PLPPR1: variants seen among roughly 807,000 people sequenced by gnomAD.
The protein encoded by PLPPR1 is phospholipid phosphatase related 1.
Under a neutral mutation model 33.1 loss-of-function variants are expected in PLPPR1, and 10 were observed. That is an observed-to-expected ratio of 0.30 (90% CI 0.19 to 0.51). The LOEUF (loss-of-function observed/expected upper bound fraction) is 0.51, where lower values mean the gene tolerates loss of function less well. Among genes scored for constraint, PLPPR1 ranks in the 20% least tolerant of loss-of-function variants. The probability of loss-of-function intolerance (pLI) is 0.97; values close to 1 mark genes in which losing one functional copy is unlikely to be tolerated. For synonymous variants in PLPPR1, 151 were observed against 151.0 expected, an observed-to-expected ratio of 1.00 and a Z score of 0.00; for missense variants, 304 against 408.1, an observed-to-expected ratio of 0.74 and a Z score of 2.20.
intron 1 of PLPPR1, among the ~76,000 whole-genome samples, chr9:101,161,770 T>C (rs1045706071): frequency 6.6e-6 from 1 of 152,162 alleles, no homozygotes; most frequent in South Asian, 2.1e-4. Flanking sequence ...TTTTTCAAAC[T>C]GTAAAAGTTC....
chr9:101,244,303 T>G lies in PLPPR1; in HGVS notation c.64-25577T>G, dbSNP rs556051584. ...AAAGAAAAAAAATCAAAGCATGGCT[T>G]TATTTTTTGTTTTGTTTTAAATGTT... On this transcript the variant is annotated intron_variant, in intron 2 of 7. Transcript: ENST00000374874. Among the ~76,000 whole-genome samples, 24 of 152,088 alleles carry G rather than the reference T, an allele frequency of 1.6e-4. 1 individual carries two copies. The South Asian group carries it at 4.8e-3, about 30-fold the overall frequency.
At chr9:101,170,405 C>T (rs560607448) in intron 1 of PLPPR1, among the ~76,000 whole-genome samples, 1 of 152,248 alleles carries the variant, frequency 6.6e-6, no homozygotes, top group Admixed American at 6.5e-5. Flanking sequence ...CAAGAGAGAA[C>T]TTGTTCAGGG....
At chr9:101,207,543 G>A (rs1290326398) in intron 2 of PLPPR1, among the ~76,000 whole-genome samples, 5 of 152,134 alleles carry the variant, frequency 3.3e-5, no homozygotes, top group Non-Finnish European at 7.3e-5. Flanking sequence ...GTGGGGGTGT[G>A]AGAAGTAAGT....
intron 1 of PLPPR1, among the ~76,000 whole-genome samples, chr9:101,146,444 C>T (rs966668268): frequency 5.3e-5 from 8 of 152,274 alleles, no homozygotes; most frequent in African/African-American, 1.9e-4. Flanking sequence ...CCAAAAACTA[C>T]CAGCCAGTCT....
At chr9:101,285,419 T>C (rs771500073) in intron 3 of PLPPR1, among the ~76,000 whole-genome samples, 1 of 152,106 alleles carries the variant, frequency 6.6e-6, no homozygotes, top group Non-Finnish European at 1.5e-5. Context: ...CAGTTCAGGG[T>C]AGGAGAAATA....
At chr9:101,156,552 C>CAAA (rs1162056636) in intron 1 of PLPPR1, among the ~76,000 whole-genome samples, 66 of 71,104 alleles carry the variant, frequency 9.3e-4, no homozygotes, top group African/African-American at 1.7e-3. Flanking sequence ...ACCCTGTCTC[C>CAAA]AAAAAAAAAA....
intron 1 of PLPPR1, among the ~76,000 whole-genome samples, chr9:101,118,129 G>A (rs1831137435): frequency 6.6e-6 from 1 of 152,336 alleles, no homozygotes; most frequent in East Asian, 1.9e-4. Context: ...TTTGATTTAT[G>A]ACTAACATCC....
intron 1 of PLPPR1, among the ~76,000 whole-genome samples, chr9:101,110,072 T>TG (rs200765815): frequency 0.018 from 2,676 of 152,308 alleles, 45 homozygotes; most frequent in African/African-American, 0.045. Context: ...AATTATCATC[T>TG]TCAAAAGCAA....
intron 7 of PLPPR1, among the ~76,000 whole-genome samples, chr9:101,318,675 G>A (rs750768992): frequency 6.6e-6 from 1 of 152,162 alleles, no homozygotes; most frequent in African/African-American, 2.4e-5. Flanking sequence ...TCCAGAGGCT[G>A]AGGTGGGAGG....
intron 1 of PLPPR1, among the ~76,000 whole-genome samples, chr9:101,036,701 CAAAAAAAAA>C (rs5899427): frequency 9.6e-6 from 1 of 103,742 alleles, no homozygotes; most frequent in African/African-American, 3.6e-5. Context: ...CTATTTCTGC[CAAAAAAAAA>C]AAAAAAAAAA....
chr9:101,173,526 G>C (rs1825975960), intron 1 of PLPPR1, among the ~76,000 whole-genome samples: 1 of 152,066 alleles, frequency 6.6e-6, no homozygotes, highest in Non-Finnish European at 1.5e-5. Context: ...CTCTGGGCTT[G>C]GGAAGCCCTT....
intron 2 of PLPPR1, among the ~76,000 whole-genome samples, chr9:101,257,682 G>C (rs1827826746): frequency 6.6e-6 from 1 of 152,034 alleles, no homozygotes; most frequent in African/African-American, 2.4e-5. Flanking sequence ...AGAATATTCT[G>C]GTGATAGAAA....
At position 101,157,029 on chromosome 9, in the gene PLPPR1, G is replaced by A. The variant is rs151076330; in HGVS notation, c.-45-28421G>A. Among the ~76,000 whole-genome samples, 850 of 152,178 alleles carry A rather than the reference G, an allele frequency of 5.6e-3. 2 individuals are homozygous for A. The highest frequency in any genetic ancestry group is 0.024 in the Middle Eastern group (7 of 292). On this transcript the variant is annotated intron_variant, in intron 1 of 7. Transcript: ENST00000374874. ...CAGTATTGAGGAAGGATTAATGGGT[G>A]GAATAAAGCCTGGAGATAAGGAACA...
chr9:101,288,655 C>T (rs1828438370), intron 4 of PLPPR1, among the ~76,000 whole-genome samples: 1 of 152,136 alleles, frequency 6.6e-6, no homozygotes, highest in African/African-American at 2.4e-5. Flanking sequence ...AAGTAAAAAA[C>T]CTGAGAGACA....
intron 1 of PLPPR1, among the ~76,000 whole-genome samples, chr9:101,116,821 A>G (rs1044349826): frequency 1.3e-5 from 2 of 151,952 alleles, no homozygotes; most frequent in African/African-American, 4.8e-5. Flanking sequence ...AAAAAAAAAA[A>G]AAGTAAAAAA....
intron 1 of PLPPR1, among the ~76,000 whole-genome samples, chr9:101,130,699 T>A (rs189615650): frequency 6.6e-6 from 1 of 152,328 alleles, no homozygotes; most frequent in East Asian, 1.9e-4. Flanking sequence ...AAATCACTTC[T>A]GGGCGCTTAT....
chr9:101,282,333 A>T (rs947163348), intron 3 of PLPPR1, among the ~76,000 whole-genome samples: 3 of 152,194 alleles, frequency 2.0e-5, no homozygotes, highest in Non-Finnish European at 2.9e-5. Flanking sequence ...CAATAAATGC[A>T]AAAAAATGAT....
chr9:101,043,074 C>T (rs566453248), intron 1 of PLPPR1, among the ~76,000 whole-genome samples: 3 of 152,070 alleles, frequency 2.0e-5, no homozygotes, highest in African/African-American at 7.2e-5. Context: ...CCCTTTCCCC[C>T]TGAGTCCCCA....
At chr9:101,133,002 A>G (rs993489851) in intron 1 of PLPPR1, among the ~76,000 whole-genome samples, 6 of 152,316 alleles carry the variant, frequency 3.9e-5, no homozygotes, top group African/African-American at 1.4e-4. Flanking sequence ...ATCATGCTAC[A>G]AAGCTGTGCA....
Sources: allele counts gnomAD v4.1 joint callset (sites outside exome capture counted in the v4.1 genomes callset), GRCh38; gene constraint gnomAD v4.1.1; transcripts MANE v1.5; gene names NCBI Gene and HGNC (gene_info 2026-07-23, HGNC 2026-07-21).